The following EVL variants were observed in gnomAD, a reference collection of about 807,000 sequenced individuals.
EVL encodes Enah/Vasp-like, also known as ena/VASP-like protein.
EVL carries 21 observed loss-of-function variants against 59.6 expected under a neutral mutation model. The ratio of observed to expected loss-of-function variants is 0.35; its 90% CI spans 0.25 to 0.51. EVL has a LOEUF of 0.51. Ranked by LOEUF, EVL falls within the 20% of genes least tolerant of loss-of-function variation. EVL has a pLI of 0.97. For synonymous variants in EVL, 198 were observed against 203.5 expected (o/e 0.97, Z 0.23); for missense variants, 462 against 546.6 (o/e 0.85, Z 1.54).
chr14:100,037,875 C>T (rs2061410810), intron 1 of EVL, among the ~76,000 whole-genome samples: 1 of 152,172 alleles, frequency 6.6e-6, no homozygotes, highest in African/African-American at 2.4e-5. Context: ...AATGGGATAG[C>T]TTCCATTTAT....
chr14:100,085,999 G>A (rs962532546), intron 2 of EVL, among the ~76,000 whole-genome samples: 1 of 152,258 alleles, frequency 6.6e-6, no homozygotes, highest in East Asian at 1.9e-4. Context: ...CGTGGTGGCG[G>A]GCACCTGTAG....
At chr14:99,994,739 A>G (rs1425852013) in intron 1 of EVL, among the ~76,000 whole-genome samples, 1 of 152,156 alleles carries the variant, frequency 6.6e-6, no homozygotes, top group Admixed American at 6.6e-5. Context: ...TACCTTTACC[A>G]GGGAGTTTTG....
At chr14:100,128,276 T>C (rs1378410354) in intron 5 of EVL, among the ~76,000 whole-genome samples, 1 of 152,052 alleles carries the variant, frequency 6.6e-6, no homozygotes, top group Non-Finnish European at 1.5e-5. Context: ...GTTAAGCAAA[T>C]AGAGGACACC....
At chr14:100,074,209 G>C (rs963114631) in intron 1 of EVL, among the ~76,000 whole-genome samples, 2 of 152,162 alleles carry the variant, frequency 1.3e-5, no homozygotes, top group African/African-American at 4.8e-5. Context: ...AATTCTCCAG[G>C]CCACAGTGAG....
At chr14:100,096,177 G>A (rs1410079179) in intron 2 of EVL, among the ~76,000 whole-genome samples, 1 of 152,150 alleles carries the variant, frequency 6.6e-6, no homozygotes, top group East Asian at 1.9e-4. Context: ...CTGTCCTCTG[G>A]CTTTACCTTA....
In EVL at chr14:100,127,870, G is replaced by A. The variant is rs780950824; in HGVS notation, c.488-649G>A. 7.9e-5 allele frequency among the ~76,000 whole-genome samples: 12 copies of A among 152,204 alleles called. No individual in the cohort carries two copies. The highest frequency in any genetic ancestry group is 1.3e-4 in the Non-Finnish European group (9 of 68,040). ...CCATCTGCGTTTACCTCTGCGATTCGTTGACTGTTCCTCATAGGCTGTGAG... is the reference window on the plus strand; with the variant it reads ...CCATCTGCGTTTACCTCTGCGATTCATTGACTGTTCCTCATAGGCTGTGAG... On this transcript the variant is annotated intron_variant, in intron 5 of 13. Coordinates refer to ENST00000392920, the MANE Select transcript of EVL (RefSeq NM_016337.3). The surrounding 1 kb of genome is among the most constrained non-coding windows in gnomAD (Gnocchi z 4.2).
Position 100,123,752 on chromosome 14 carries a change from C to T in EVL, c.422+150C>T, listed in dbSNP as rs1452829525. ...GGAGGGTGCAAGGTGCAAGCCAGAC[C>T]AGGAAGAAAGAGGGGGCCGATGCGC... On this transcript the variant is annotated intron_variant, in intron 4 of 13. Transcript: ENST00000392920. The T allele has an allele frequency of 4.1e-6, 3 of 733,712 alleles. No individual in the cohort carries two copies. In the Admixed American group the frequency reaches 8.0e-5, roughly 20 times the overall value. 45.5% of individuals were successfully genotyped at this position (733,712 alleles called of 1,614,324 possible).
intron 11 of EVL, chr14:100,138,614 TGAG>T (rs1425001173): frequency 6.6e-6 from 1 of 152,530 alleles, no homozygotes; most frequent in African/African-American, 2.4e-5. Context: ...TGGACAGAGA[TGAG>T]GAAGTCTTAG....
rs565983179 is a variant in EVL at position 100,004,076 on chromosome 14, C to T, written c.5+32019C>T. Among the ~76,000 whole-genome samples the T allele has an allele frequency of 9.5e-4, 144 of 152,234 alleles. 1 individual carries two copies. The highest frequency in any genetic ancestry group is 1.7e-3 in the Non-Finnish European group (116 of 68,014). ...AAAATTAGCTGCATGTGGTGACGTG[C>T]GCCTGTAATCCCAGCTACTTGGGAG... On this transcript the variant is annotated intron_variant, in intron 1 of 13. Coordinates refer to the EVL transcript ENST00000402714.
intron 3 of EVL, among the ~76,000 whole-genome samples, chr14:100,122,100 G>T (rs944171220): frequency 1.3e-5 from 2 of 152,210 alleles, no homozygotes; most frequent in South Asian, 2.1e-4. Context: ...GAGCTGAAAC[G>T]CCAGGAATCC....
intron 1 of EVL, among the ~76,000 whole-genome samples, chr14:100,002,771 GTCAT>G (rs1267751671): frequency 6.6e-6 from 1 of 152,152 alleles, no homozygotes; most frequent in Non-Finnish European, 1.5e-5. Context: ...TATGAAATAA[GTCAT>G]TCATTTAACT....
chr14:100,143,167 TG>T (rs1274860294), intron 13 of EVL, among the ~76,000 whole-genome samples: 1 of 151,596 alleles, frequency 6.6e-6, no homozygotes, highest in African/African-American at 2.4e-5. Flanking sequence ...ATGAGGAAGC[TG>T]GGGGGAGGCA....
At chr14:100,005,939 C>T (rs562696037) in intron 1 of EVL, among the ~76,000 whole-genome samples, 133 of 150,954 alleles carry the variant, frequency 8.8e-4, no homozygotes, top group Admixed American at 1.6e-3. Flanking sequence ...AAAAGGTGGC[C>T]GTGTGACGTA....
chr14:100,137,949 G>C (rs1233543236), intron 11 of EVL, 147 bp downstream of exon 11: 1 of 747,466 alleles, frequency 1.3e-6, no homozygotes, highest in Non-Finnish European at 2.2e-6. Context: ...TCAGACCCAG[G>C]ACCTCGGGGT....
chr14:100,138,409 C>T (rs1888945307), intron 11 of EVL: 1 of 153,136 alleles, frequency 6.5e-6, no homozygotes, highest in African/African-American at 2.4e-5. Flanking sequence ...CTGAGATTGC[C>T]CAAAAAGGCA....
chr14:100,123,841 G>C (rs1212455673), intron 4 of EVL, among the ~76,000 whole-genome samples: 2 of 152,188 alleles, frequency 1.3e-5, no homozygotes, highest in Non-Finnish European at 1.5e-5. Flanking sequence ...TACAGAGAGT[G>C]CTGCTGACCT....
intron 1 of EVL, among the ~76,000 whole-genome samples, chr14:100,075,718 G>T (rs1319587102): frequency 6.6e-6 from 1 of 152,160 alleles, no homozygotes; most frequent in African/African-American, 2.4e-5. Context: ...AAAGTAATCA[G>T]AGGCACGTGG....
intron 1 of EVL, among the ~76,000 whole-genome samples, chr14:100,041,579 G>A (rs1256285114): frequency 6.6e-6 from 1 of 152,146 alleles, no homozygotes; most frequent in Non-Finnish European, 1.5e-5. Context: ...TAATAAATGT[G>A]AAGACCCCAA....
chr14:100,045,395 C>T (rs2140239070), intron 1 of EVL, among the ~76,000 whole-genome samples: 1 of 152,268 alleles, frequency 6.6e-6, no homozygotes, highest in East Asian at 1.9e-4. Context: ...TTCTTGAGGG[C>T]CAGGACTGCA....
Sources: gnomAD v4.1 joint callset for allele counts (sites outside exome capture counted in the v4.1 genomes callset) on GRCh38, gnomAD v4.1.1 for gene constraint, Gnocchi (gnomAD v3.1) non-coding constraint, MANE v1.5 for transcripts, NCBI Gene and HGNC (gene_info 2026-07-23, HGNC 2026-07-21) for gene names.